NRXN3: variants seen among roughly 807,000 people sequenced by gnomAD.
NRXN3 encodes neurexin III.
A neutral mutation model predicts 137.6 loss-of-function variants in NRXN3; 32 were observed. That is an observed-to-expected ratio of 0.23 (90% CI 0.18 to 0.31). The LOEUF is 0.31. NRXN3 is among the 10% of genes least tolerant of loss of function. The pLI is 1.00. For missense variants in NRXN3, 1,574 were observed against 2,062.5 expected (o/e 0.76, Z 4.59); for synonymous variants, 798 against 784.5 (o/e 1.02, Z -0.29).
chr14:78,597,715 G>A (rs148446867), intron 4 of NRXN3, among the ~76,000 whole-genome samples: 9 of 152,280 alleles, frequency 5.9e-5, no homozygotes, highest in Admixed American at 2.0e-4. Flanking sequence ...TTTCCATTTT[G>A]TTCAAGGAAG....
chr14:79,006,325 G>A (rs2099552708), intron 15 of NRXN3, among the ~76,000 whole-genome samples: 1 of 150,008 alleles, frequency 6.7e-6, no homozygotes, highest in East Asian at 2.0e-4. Flanking sequence ...GTGGTAAATG[G>A]CAAAAAACAA....
At chr14:79,654,420 A>T (rs1051993290) in intron 16 of NRXN3, among the ~76,000 whole-genome samples, 13 of 152,196 alleles carry the variant, frequency 8.5e-5, no homozygotes, top group African/African-American at 3.1e-4. Context: ...CCAGAAAGTA[A>T]ATATTTTAGG....
intron 15 of NRXN3, among the ~76,000 whole-genome samples, chr14:79,218,556 T>G (rs761574039): frequency 7.9e-5 from 12 of 152,090 alleles, no homozygotes; most frequent in Non-Finnish European, 1.8e-4. Context: ...TGTCGGTTTC[T>G]GATAGAAGCT....
intron 4 of NRXN3, among the ~76,000 whole-genome samples, chr14:78,433,639 C>T (rs1249672874): frequency 1.3e-5 from 2 of 152,088 alleles, no homozygotes; most frequent in Admixed American, 1.3e-4. Context: ...AGTTTAGCTC[C>T]CTTCCCTTTT....
Position 78,709,269 on chromosome 14 carries a change from T to A in NRXN3, c.1274T>A (p.Ile425Asn), listed in dbSNP as rs1399865847. The change falls in exon 7 of 21, where the codon ATT becomes AAT. Residue 425 changes from isoleucine to asparagine, a missense_variant. Physicochemically the swap from Ile to Asn is moderately radical, Grantham distance 149 (BLOSUM62 -3). Transcript: ENST00000335750. The stretch of plus-strand genomic sequence containing the variant: ...CTGGAGCTGTCTCGCCTGGCCCGGA[T>A]TGCGGACACCAAGATGAAAATCTAT... ...IRLELSRLAR[I>N]ADTKMKIYGE... 4.3e-6 allele frequency: 7 copies of A among 1,614,146 alleles called. No homozygotes were observed. Among genetic ancestry groups the A allele is most frequent in the Non-Finnish European group, 5.9e-6 (7 of 1,180,016 alleles).
intron 20 of NRXN3, among the ~76,000 whole-genome samples, chr14:79,813,409 C>T (rs553897705): frequency 8.6e-5 from 13 of 151,914 alleles, no homozygotes; most frequent in South Asian, 8.4e-4. Context: ...CATCTTGTGC[C>T]GCATGAATTT....
intron 15 of NRXN3, among the ~76,000 whole-genome samples, chr14:79,181,230 T>G (rs2062893128): frequency 6.6e-6 from 1 of 152,158 alleles, no homozygotes; most frequent in Admixed American, 6.5e-5. Flanking sequence ...AGTCAGATGA[T>G]TTCCCTTTTC....
intron 4 of NRXN3, among the ~76,000 whole-genome samples, chr14:78,568,137 G>T (rs1239534392): frequency 6.6e-6 from 1 of 152,198 alleles, no homozygotes; most frequent in African/African-American, 2.4e-5. Context: ...CTCATGTTCT[G>T]ATCTTCAGTG....
At chr14:79,652,570 A>T (rs2098482198) in intron 16 of NRXN3, among the ~76,000 whole-genome samples, 1 of 152,154 alleles carries the variant, frequency 6.6e-6, no homozygotes, top group Admixed American at 6.6e-5. Context: ...GTAAATTAAA[A>T]TTAGGAGATG....
intron 4 of NRXN3, among the ~76,000 whole-genome samples, chr14:78,325,062 C>T (rs61976038): frequency 1.9e-4 from 29 of 151,792 alleles, no homozygotes; most frequent in Non-Finnish European, 2.6e-4. Context: ...AGGAACAATG[C>T]GGGAGAGTAC....
chr14:78,676,612 A>G (rs1227591896), intron 6 of NRXN3, among the ~76,000 whole-genome samples: 1 of 152,192 alleles, frequency 6.6e-6, no homozygotes, highest in Non-Finnish European at 1.5e-5. Context: ...ACCTGCAGCA[A>G]GTTATCCAGA....
At chr14:78,386,787 TC>T (rs1345633502) in intron 4 of NRXN3, among the ~76,000 whole-genome samples, 1 of 151,986 alleles carries the variant, frequency 6.6e-6, no homozygotes, top group Non-Finnish European at 1.5e-5. Flanking sequence ...TTCTCTTTTT[TC>T]TTTTTTTTTT....
At chr14:79,322,332 G>A (rs79444795) in intron 15 of NRXN3, among the ~76,000 whole-genome samples, 1,607 of 152,142 alleles carry the variant, frequency 0.011, 31 homozygotes, top group African/African-American at 0.037. Flanking sequence ...GATTTACAGA[G>A]TTTACAGGAG....
intron 16 of NRXN3, among the ~76,000 whole-genome samples, chr14:79,478,334 G>C (rs1172019999): frequency 2.6e-5 from 4 of 151,906 alleles, no homozygotes; most frequent in African/African-American, 9.7e-5. Context: ...ACAAATGAGA[G>C]ACTTCCAAAC....
intron 4 of NRXN3, among the ~76,000 whole-genome samples, chr14:78,357,280 C>G (rs2084452706): frequency 6.6e-6 from 1 of 152,106 alleles, no homozygotes; most frequent in Admixed American, 6.5e-5. Flanking sequence ...CGGGCAAACT[C>G]CCTTTTTATT....
chr14:78,391,565 T>A (rs959159422), intron 4 of NRXN3, among the ~76,000 whole-genome samples: 3 of 152,096 alleles, frequency 2.0e-5, no homozygotes, highest in Admixed American at 1.3e-4. Flanking sequence ...ATGCTAGCCT[T>A]CTCTTTGTGT....
intron 10 of NRXN3, among the ~76,000 whole-genome samples, chr14:78,853,255 C>T (rs1181856600): frequency 6.6e-6 from 1 of 152,122 alleles, no homozygotes; most frequent in Admixed American, 6.6e-5. Context: ...GTGTGATGTT[C>T]CCCTTCCTCT....
At chr14:79,307,271 G>C (rs1413735891) in intron 15 of NRXN3, among the ~76,000 whole-genome samples, 4 of 151,996 alleles carry the variant, frequency 2.6e-5, no homozygotes, top group Admixed American at 2.6e-4. Context: ...AGCTGGAATT[G>C]GAATCAACTT....
At chr14:79,091,407 A>G (rs970818900) in intron 15 of NRXN3, among the ~76,000 whole-genome samples, 11 of 152,136 alleles carry the variant, frequency 7.2e-5, no homozygotes, top group African/African-American at 2.7e-4. Context: ...GTATTTTATT[A>G]CCAAAATAGA....
Sources: allele counts gnomAD v4.1 joint callset (sites outside exome capture counted in the v4.1 genomes callset), GRCh38; gene constraint gnomAD v4.1.1; transcripts MANE v1.5; gene names NCBI Gene and HGNC (gene_info 2026-07-23, HGNC 2026-07-21).